VLDLR: variants seen among roughly 807,000 people sequenced by gnomAD.
The protein encoded by VLDLR is very low density lipoprotein receptor.
A neutral mutation model predicts 112.7 loss-of-function variants in VLDLR; 81 were observed. The observed-to-expected ratio is 0.72, with a 90% CI of 0.60 to 0.86. VLDLR has a LOEUF of 0.86. VLDLR is among the 40% of genes least tolerant of loss of function. The pLI, the probability that VLDLR is intolerant of heterozygous loss-of-function variation, is 0.00. For missense variants in VLDLR, 1,237 were observed against 1,099.4 expected, an observed-to-expected ratio of 1.13 and a Z score of -1.77; for synonymous variants, 436 against 384.8, an observed-to-expected ratio of 1.13 and a Z score of -1.56.
At chr9:2,647,161 A>C (rs182485539) in intron 11 of VLDLR, among the ~76,000 whole-genome samples, 1 of 152,196 alleles carries the variant, frequency 6.6e-6, no homozygotes, top group Admixed American at 6.5e-5. Flanking sequence ...AACCCCTGCT[A>C]TGAAATTTGA....
At chr9:2,643,594 T>C (rs1817925024) in intron 5 of VLDLR, 34 bp from the exon 6 acceptor site, 4 of 1,614,222 alleles carry the variant, frequency 2.5e-6, no homozygotes, top group Non-Finnish European at 2.5e-6. Flanking sequence ...GACAATTTGC[T>C]GGCTTCATTC....
chr9:2,622,026 CCCT>C lies in VLDLR; in HGVS notation c.-162_-160del, dbSNP rs1816804987. On this transcript the variant is annotated 5_prime_UTR_variant, in exon 1 of 19. Transcript: ENST00000382100. ...TGTGCAAGTTGTAGGGGAGGGGGTG[CCCT>C]CTTCTTCCCCGCTCCCTTCCCCCGC... 1 of 668,142 alleles carries C rather than the reference CCCT, an allele frequency of 1.5e-6. No individual in the cohort carries two copies. Among genetic ancestry groups the C allele is most frequent in the African/African-American group, 1.9e-5 (1 of 52,698 alleles). 41.4% of individuals were successfully genotyped at this position (668,142 alleles called of 1,614,324 possible).
chr9:2,659,980 G>C lies in VLDLR; in HGVS notation c.*6112G>C, dbSNP rs550225442. 3.3e-5 allele frequency: 5 copies of C among 152,324 alleles called. 1 individual carries two copies. The South Asian group carries it at 1.0e-3, about 32-fold the overall frequency. The allele number at this position is 152,324 out of a possible 1,614,324, so 9.4% of individuals were successfully genotyped here. A position where few individuals can be genotyped will look rare whatever the true frequency, so the allele number is the denominator to read the frequency against. ...TTCTAAAGGCACATGTTAGAATGCA[G>C]AGTCCTGATGACCTGTCAATAAACT... On this transcript the variant is annotated 3_prime_UTR_variant, in exon 19 of 19. Coordinates refer to ENST00000382100, the MANE Select transcript of VLDLR (RefSeq NM_003383.5).
At position 2,650,506 on chromosome 9, in the gene VLDLR, A is replaced by G; in HGVS notation, c.2241A>G (p.Arg747=). The part of the protein sequence containing the change: ...PSGYNVEENG[R]DCQSTATTVT... ...GGTACAATGTAGAGGAAAATGGCCG[A>G]GACTGTCAAAGTAAGGCATTTTGTG... Residue 747 remains arginine, a synonymous_variant, in exon 15 of 19, where the codon CGA becomes CGG. Transcript: ENST00000382100. The G allele has an allele frequency of 6.2e-7, 1 of 1,613,748 alleles. No homozygotes were observed.
chr9:2,625,114 T>G (rs980114129), intron 1 of VLDLR, among the ~76,000 whole-genome samples: 1 of 152,216 alleles, frequency 6.6e-6, no homozygotes, highest in Non-Finnish European at 1.5e-5. Context: ...AGTGAAGACC[T>G]GATCCAAGTG....
chr9:2,645,212 A>G (rs909547609), intron 9 of VLDLR, 130 bp downstream of exon 9: 1 of 1,334,492 alleles, frequency 7.5e-7, no homozygotes, highest in African/African-American at 1.4e-5. Context: ...TAACCTCATA[A>G]TACAGCAGTA....
chr9:2,658,817 G>A lies in VLDLR; in HGVS notation c.*4949G>A, dbSNP rs1818697919. ...AGTGACTTTACCGGTGAAAGTCACA[G>A]GTACCTTTATCTATGATGAATGTAA... On this transcript the variant is annotated 3_prime_UTR_variant, in exon 19 of 19. Coordinates refer to ENST00000382100, the MANE Select transcript of VLDLR (RefSeq NM_003383.5). 1 of 152,144 alleles carries A rather than the reference G, an allele frequency of 6.6e-6. No individual in the cohort carries two copies. The highest frequency in any genetic ancestry group is 2.4e-5 in the African/African-American group (1 of 41,418). 9.4% of individuals were successfully genotyped at this position (152,144 alleles called of 1,614,324 possible).
intron 1 of VLDLR, among the ~76,000 whole-genome samples, chr9:2,630,601 T>C (rs1478659798): frequency 6.6e-6 from 1 of 152,206 alleles, no homozygotes; most frequent in African/African-American, 2.4e-5. Flanking sequence ...TAGGGAGATT[T>C]GTAGTCCGTT....
chr9:2,643,501 T>C lies in VLDLR; in HGVS notation c.790T>C (p.Cys264Arg). 1 of 1,614,214 alleles carries C rather than the reference T, an allele frequency of 6.2e-7. No individual in the cohort carries two copies. The highest frequency in any genetic ancestry group is 8.5e-7 in the Non-Finnish European group (1 of 1,180,024). The part of the protein sequence containing the change: ...KKWRCDGDPD[C>R]KDGSDEVNCP... ...GTGGCGATGTGATGGGGACCCTGAC[T>C]GCAAGGATGGCAGTGATGAGGTCAA... is the stretch of plus-strand genomic sequence containing the variant. Residue 264 changes from cysteine to arginine, a missense_variant, in exon 5 of 19, where the codon TGC becomes CGC. By Grantham distance (180) the Cys-to-Arg change is radical (BLOSUM62 -3). Transcript: ENST00000382100.
chr9:2,625,660 G>A (rs930413689), intron 1 of VLDLR, among the ~76,000 whole-genome samples: 2 of 152,188 alleles, frequency 1.3e-5, no homozygotes, highest in African/African-American at 4.8e-5. Context: ...CCTCTACATG[G>A]TTAGTTGATA....
chr9:2,653,778 A>T, intron 18 of VLDLR, 55 bp from the exon 19 acceptor site: 1 of 1,601,730 alleles, frequency 6.2e-7, no homozygotes, highest in Non-Finnish European at 8.6e-7. Flanking sequence ...TAAAGACTAG[A>T]GTTGCCATCA....
chr9:2,622,094 C>T lies in VLDLR; in HGVS notation c.-96C>T. On this transcript the variant is annotated 5_prime_UTR_variant, in exon 1 of 19. Coordinates refer to ENST00000382100, the MANE Select transcript of VLDLR (RefSeq NM_003383.5). ...CCTTCTCCCCCTTTCCCCTCCCCGCCCCCACCTTCTTCCTCCTTTCGGAAG... is the reference window on the plus strand; with the variant it reads ...CCTTCTCCCCCTTTCCCCTCCCCGCTCCCACCTTCTTCCTCCTTTCGGAAG... 7.9e-7 allele frequency: 1 copy of T among 1,270,612 alleles called. No homozygotes were observed. The highest frequency in any genetic ancestry group is 1.1e-6 in the Non-Finnish European group (1 of 948,914). The allele number at this position is 1,270,612 out of a possible 1,614,324, so 78.7% of individuals were successfully genotyped here.
intron 2 of VLDLR, among the ~76,000 whole-genome samples, chr9:2,637,162 C>A (rs576448212): frequency 6.6e-6 from 1 of 152,300 alleles, no homozygotes; most frequent in Non-Finnish European, 1.5e-5. Context: ...ATATTACAAT[C>A]AGGGAAGGTC....
rs748698778 is a variant in VLDLR, at chr9:2,639,972, G to A, written c.316G>A (p.Glu106Lys). ...DCEDGSDESPEQCHMRTCRIH... is the reference protein window; with the variant it reads ...DCEDGSDESPKQCHMRTCRIH... Reference sequence around the variant, plus strand: ...CGAAGATGGTTCAGATGAAAGCCCAGAACAGTGCCGTGAGTGTAACTTGCT... The same window carrying A: ...CGAAGATGGTTCAGATGAAAGCCCAAAACAGTGCCGTGAGTGTAACTTGCT... Residue 106 changes from glutamate to lysine, a missense_variant, in exon 3 of 19, where the codon GAA becomes AAA. By Grantham distance (56) the Glu-to-Lys change is moderately conservative. Coordinates refer to ENST00000382100, the MANE Select transcript of VLDLR (RefSeq NM_003383.5). The A allele has an allele frequency of 6.2e-7, 1 of 1,614,098 alleles. No homozygotes were observed. The highest frequency in any genetic ancestry group is 1.1e-5 in the South Asian group (1 of 91,080).
At chr9:2,624,485 A>T (rs1008179798) in intron 1 of VLDLR, among the ~76,000 whole-genome samples, 1 of 152,218 alleles carries the variant, frequency 6.6e-6, no homozygotes, top group African/African-American at 2.4e-5. Context: ...GGTATACCTG[A>T]TTGCACAATT....
intron 2 of VLDLR, among the ~76,000 whole-genome samples, chr9:2,637,404 G>C (rs1409354776): frequency 6.6e-6 from 1 of 152,148 alleles, no homozygotes; most frequent in African/African-American, 2.4e-5. Flanking sequence ...GTTAGGCTGA[G>C]CTAATTAATC....
At chr9:2,628,622 A>G (rs1242257067) in intron 1 of VLDLR, among the ~76,000 whole-genome samples, 1 of 152,210 alleles carries the variant, frequency 6.6e-6, no homozygotes, top group Non-Finnish European at 1.5e-5. Context: ...GCAAAGGAAC[A>G]AGACATTTAA....
chr9:2,626,729 G>A (rs1156856263), intron 1 of VLDLR, among the ~76,000 whole-genome samples: 3 of 152,204 alleles, frequency 2.0e-5, no homozygotes, highest in Non-Finnish European at 4.4e-5. Context: ...AGACGAGGTG[G>A]TGGGGATGGG....
chr9:2,636,562 G>A (rs1817605424), intron 2 of VLDLR, among the ~76,000 whole-genome samples: 1 of 152,172 alleles, frequency 6.6e-6, no homozygotes. Flanking sequence ...GTGTTTTCAT[G>A]CCAATGTGTA....
Sources: allele counts gnomAD v4.1 joint callset (sites outside exome capture counted in the v4.1 genomes callset), GRCh38; gene constraint gnomAD v4.1.1; transcripts MANE v1.5; gene names NCBI Gene and HGNC (gene_info 2026-07-23, HGNC 2026-07-21).